Variants in TRARG1 observed in about 807,000 individuals in gnomAD.
TRARG1 encodes the protein trafficking regulator of GLUT4 (SLC2A4) 1 (gene/pseudogene).
TRARG1 carries 16 observed loss-of-function variants against 13.3 expected under a neutral mutation model. The observed-to-expected ratio is 1.20, with a 90% CI of 0.81 to 1.83. The LOEUF (loss-of-function observed/expected upper bound fraction) is 1.83. Ranked by LOEUF, TRARG1 falls within the 40% of genes most tolerant of loss-of-function variation. The pLI is 0.00. For missense variants in TRARG1, 250 were observed against 237.4 expected (o/e 1.05, Z -0.35); for synonymous variants, 113 against 106.2 (o/e 1.06, Z -0.39).
chr17:1,290,595 C>T (rs893537221), intron 1 of TRARG1, among the ~76,000 whole-genome samples: 4 of 152,106 alleles, frequency 2.6e-5, no homozygotes, highest in African/African-American at 4.8e-5. Context: ...TGCTCCTGGC[C>T]GAGGGTCCTT....
At chr17:1,284,047 G>A (rs1009825544) in intron 1 of TRARG1, among the ~76,000 whole-genome samples, 2 of 151,698 alleles carry the variant, frequency 1.3e-5, no homozygotes, top group Non-Finnish European at 2.9e-5. Flanking sequence ...TCCGGGAGGC[G>A]GAGCTTACAG....
chr17:1,291,710 T>C (rs534505403), intron 1 of TRARG1, among the ~76,000 whole-genome samples: 10 of 152,264 alleles, frequency 6.6e-5, no homozygotes, highest in Admixed American at 5.9e-4. Context: ...CCAGCGTTGT[T>C]TATTCTCCTG....
At chr17:1,285,215 GC>G (rs1215050355) in intron 1 of TRARG1, among the ~76,000 whole-genome samples, 1 of 151,928 alleles carries the variant, frequency 6.6e-6, no homozygotes, top group Non-Finnish European at 1.5e-5. Flanking sequence ...TTCGAGACCA[GC>G]CTGGCTAACA....
In TRARG1 at chr17:1,289,959, G is replaced by A. The variant is rs1019390254; in HGVS notation, c.388-5532G>A. Among the ~76,000 whole-genome samples, 35 of 151,938 alleles carry A rather than the reference G, an allele frequency of 2.3e-4. 1 individual carries two copies. Among genetic ancestry groups the A allele is most frequent in the African/African-American group, 7.0e-4 (29 of 41,340 alleles). ...TCACGTTCCTCCCAGCACCCAAGCC[G>A]GGAACCCCGGAATCGTCTGAATCAT... is the stretch of plus-strand genomic sequence containing the variant. On this transcript the variant is annotated intron_variant, in intron 1 of 2. Coordinates refer to ENST00000333813, the MANE Select transcript of TRARG1 (RefSeq NM_172367.3).
At chr17:1,285,202 G>A (rs529515690) in intron 1 of TRARG1, among the ~76,000 whole-genome samples, 1 of 152,084 alleles carries the variant, frequency 6.6e-6, no homozygotes, top group East Asian at 2.0e-4. Flanking sequence ...TTGAGGTCAG[G>A]AGTTCGAGAC....
At chr17:1,283,701 C>T (rs565636493) in intron 1 of TRARG1, among the ~76,000 whole-genome samples, 4 of 151,730 alleles carry the variant, frequency 2.6e-5, no homozygotes, top group Non-Finnish European at 4.4e-5. Flanking sequence ...CCCAGCTACT[C>T]GGGAGGCTGA....
intron 2 of TRARG1, among the ~76,000 whole-genome samples, 158 bp downstream of exon 2, chr17:1,295,781 G>C (rs2072107362): frequency 6.6e-6 from 1 of 152,234 alleles, no homozygotes; most frequent in African/African-American, 2.4e-5. Flanking sequence ...AAGTGCCCCA[G>C]TTCCCAGGAG....
chr17:1,294,568 G>C (rs1319634940), intron 1 of TRARG1, among the ~76,000 whole-genome samples: 1 of 150,854 alleles, frequency 6.6e-6, no homozygotes, highest in Non-Finnish European at 1.5e-5. Flanking sequence ...TGGGGTTCAA[G>C]CAATTCTCCT....
Position 1,279,902 on chromosome 17 carries a change from CCTGGAGGCCCTCAGT to C in TRARG1, c.-95_-81del. 1 of 1,417,062 alleles carries C rather than the reference CCTGGAGGCCCTCAGT, an allele frequency of 7.1e-7. No homozygotes were observed. The highest frequency in any genetic ancestry group is 9.5e-7 in the Non-Finnish European group (1 of 1,055,912). 87.8% of individuals were successfully genotyped at this position (1,417,062 alleles called of 1,614,324 possible). On this transcript the variant is annotated 5_prime_UTR_variant, in exon 1 of 3. Transcript: ENST00000333813. ...TCCTGAGGGACGCCCCTGCCCCCGA[CCTGGAGGCCCTCAGT>C]CTGGGCTGGGGAATGGCGCGCTGAG... is the stretch of plus-strand genomic sequence containing the variant.
chr17:1,280,916 C>A (rs1011294155), intron 1 of TRARG1, among the ~76,000 whole-genome samples: 2 of 152,172 alleles, frequency 1.3e-5, no homozygotes, highest in African/African-American at 2.4e-5. Context: ...CAGGCTCCCC[C>A]GAGGGGCGCA....
intron 1 of TRARG1, among the ~76,000 whole-genome samples, chr17:1,283,412 A>C (rs749572176): frequency 6.6e-6 from 1 of 152,138 alleles, no homozygotes; most frequent in Non-Finnish European, 1.5e-5. Flanking sequence ...CTTTGTTGAG[A>C]TATAACTCAC....
In TRARG1 at chr17:1,286,605, T is replaced by C. The variant is rs571539506; in HGVS notation, c.387+6217T>C. On this transcript the variant is annotated intron_variant, in intron 1 of 2. Coordinates refer to ENST00000333813, the MANE Select transcript of TRARG1 (RefSeq NM_172367.3). ...GGTGTTATCGGCCTGTGGGGTGTTA[T>C]TGGCCTGTGGGGTGTTGTTTTCGGC... Among the ~76,000 whole-genome samples, 15 of 142,182 alleles carry C rather than the reference T, an allele frequency of 1.1e-4. No individual in the cohort carries two copies. In the East Asian group the frequency reaches 2.8e-3, roughly 26 times the overall value. 93.3% of individuals were successfully genotyped at this position (142,182 alleles called of 152,430 possible). A position where few individuals can be genotyped will look rare whatever the true frequency, so the allele number is the denominator to read the frequency against.
chr17:1,282,285 C>G (rs1331067279), intron 1 of TRARG1, among the ~76,000 whole-genome samples: 1 of 136,848 alleles, frequency 7.3e-6, no homozygotes, highest in African/African-American at 2.6e-5. Flanking sequence ...CGTATATGTA[C>G]ATATATGTAC....
chr17:1,284,313 T>G (rs1249987447), intron 1 of TRARG1, among the ~76,000 whole-genome samples: 3 of 152,190 alleles, frequency 2.0e-5, no homozygotes, highest in African/African-American at 7.2e-5. Context: ...CCTCGTTCAC[T>G]TTGCATGTCG....
intron 1 of TRARG1, among the ~76,000 whole-genome samples, chr17:1,286,007 C>G (rs2072017173): frequency 6.6e-6 from 1 of 152,090 alleles, no homozygotes; most frequent in Non-Finnish European, 1.5e-5. Flanking sequence ...TCCCTGGTGA[C>G]CGGGGGATGG....
At chr17:1,286,440 G>A (rs113979112) in intron 1 of TRARG1, among the ~76,000 whole-genome samples, 174 of 95,788 alleles carry the variant, frequency 1.8e-3, no homozygotes, top group African/African-American at 5.0e-3. Context: ...TGTTGTTGTC[G>A]GCCTGTGAGT....
Position 1,299,716 on chromosome 17 carries a change from C to T in TRARG1, c.*1452C>T, listed in dbSNP as rs1189118937. 4 of 152,472 alleles carry T rather than the reference C, an allele frequency of 2.6e-5. No homozygotes were observed. The highest frequency in any genetic ancestry group is 7.2e-5 in the African/African-American group (3 of 41,436). 9.4% of individuals were successfully genotyped at this position (152,472 alleles called of 1,614,324 possible). A position where few individuals can be genotyped will look rare whatever the true frequency, so the allele number is the denominator to read the frequency against. ...TTTCCTGCCCTGGGCAGCCCCACCTCACAGCCAGAGTCAATGCCTTCATGG... is the reference window on the plus strand; with the variant it reads ...TTTCCTGCCCTGGGCAGCCCCACCTTACAGCCAGAGTCAATGCCTTCATGG... On this transcript the variant is annotated 3_prime_UTR_variant, in exon 3 of 3. Coordinates refer to ENST00000333813, the MANE Select transcript of TRARG1 (RefSeq NM_172367.3).
At chr17:1,290,591 T>C (rs1180818205) in intron 1 of TRARG1, among the ~76,000 whole-genome samples, 1 of 152,186 alleles carries the variant, frequency 6.6e-6, no homozygotes, top group Non-Finnish European at 1.5e-5. Flanking sequence ...CCACTGCTCC[T>C]GGCCGAGGGT....
intron 1 of TRARG1, among the ~76,000 whole-genome samples, chr17:1,288,782 C>T (rs1261967846): frequency 1.2e-4 from 4 of 32,522 alleles, no homozygotes; most frequent in African/African-American, 5.6e-4. Flanking sequence ...CCCCCACGGG[C>T]TCCCCATCCC....
Sources: gnomAD v4.1 joint callset for allele counts (sites outside exome capture counted in the v4.1 genomes callset) on GRCh38, gnomAD v4.1.1 for gene constraint, MANE v1.5 for transcripts, NCBI Gene and HGNC (gene_info 2026-07-23, HGNC 2026-07-21) for gene names.